ZNF385D: variants seen among roughly 807,000 people sequenced by gnomAD.
The protein encoded by ZNF385D is zinc finger protein 385D, also known as zinc finger protein 659.
Under a neutral mutation model 35.8 loss-of-function variants are expected in ZNF385D, and 15 were observed. The observed-to-expected ratio is 0.42, with a 90% CI of 0.28 to 0.64. ZNF385D has a LOEUF of 0.64. Among genes scored for constraint, ZNF385D ranks in the 30% least tolerant of loss-of-function variants. The pLI is 0.23. For missense variants in ZNF385D, 474 were observed against 494.6 expected, an observed-to-expected ratio of 0.96 and a Z score of 0.39; for synonymous variants, 212 against 186.8, an observed-to-expected ratio of 1.13 and a Z score of -1.10.
intron 2 of ZNF385D, among the ~76,000 whole-genome samples, chr3:21,587,978 A>C (rs1456140682): frequency 6.6e-6 from 1 of 152,172 alleles, no homozygotes; most frequent in Non-Finnish European, 1.5e-5. Context: ...TTGGATGCCC[A>C]ATTTTAGTGC....
At chr3:21,435,022 T>C (rs951052773) in intron 5 of ZNF385D, among the ~76,000 whole-genome samples, 1 of 152,128 alleles carries the variant, frequency 6.6e-6, no homozygotes, top group African/African-American at 2.4e-5. Flanking sequence ...TTTTATTTAT[T>C]TATTTTTCTC....
intron 3 of ZNF385D, among the ~76,000 whole-genome samples, chr3:21,840,813 C>T (rs534954937): frequency 2.0e-5 from 3 of 152,036 alleles, no homozygotes; most frequent in Non-Finnish European, 4.4e-5. Context: ...ATGTCAATCA[C>T]TACATATACT....
chr3:22,087,474 G>C (rs1398784157), intron 3 of ZNF385D, among the ~76,000 whole-genome samples: 3 of 152,124 alleles, frequency 2.0e-5, no homozygotes, highest in Admixed American at 6.6e-5. Context: ...CTTAATGAAA[G>C]GATGATGCTT....
At chr3:21,831,003 C>A (rs2125762856) in intron 3 of ZNF385D, among the ~76,000 whole-genome samples, 1 of 152,052 alleles carries the variant, frequency 6.6e-6, no homozygotes, top group South Asian at 2.1e-4. Flanking sequence ...TGAAGAAAAC[C>A]AAATGAGTCA....
At chr3:21,590,659 GTTCT>G (rs1442119437) in intron 2 of ZNF385D, among the ~76,000 whole-genome samples, 20 of 152,066 alleles carry the variant, frequency 1.3e-4, no homozygotes, top group Admixed American at 1.2e-3. Context: ...GGCAGTGAGT[GTTCT>G]TTCTTTTTTT....
intron 2 of ZNF385D, among the ~76,000 whole-genome samples, chr3:21,615,638 TAG>T: frequency 6.6e-6 from 1 of 152,124 alleles, no homozygotes; most frequent in East Asian, 1.9e-4. Flanking sequence ...ATCAAAACAC[TAG>T]AGTTTTATTG....
chr3:21,758,151 T>C (rs561307461), intron 3 of ZNF385D, among the ~76,000 whole-genome samples: 6 of 152,240 alleles, frequency 3.9e-5, no homozygotes, highest in Admixed American at 6.5e-5. Context: ...ACTGTTTGTA[T>C]AACCTTATTA....
At chr3:22,017,355 T>C (rs9310678) in intron 3 of ZNF385D, among the ~76,000 whole-genome samples, 8,005 of 152,084 alleles carry the variant, frequency 0.053, 706 homozygotes, top group African/African-American at 0.18. Flanking sequence ...GCTATACCAC[T>C]GTTCTTTCGG....
At chr3:21,960,203 T>TACACACACAC (rs61528907) in intron 3 of ZNF385D, among the ~76,000 whole-genome samples, 5 of 149,470 alleles carry the variant, frequency 3.3e-5, no homozygotes, top group East Asian at 2.0e-4. Flanking sequence ...TAAACAGCAA[T>TACACACACAC]ACACACACAC....
intron 3 of ZNF385D, among the ~76,000 whole-genome samples, chr3:22,100,411 T>A (rs1559368729): frequency 6.7e-6 from 1 of 149,776 alleles, no homozygotes; most frequent in Non-Finnish European, 1.5e-5. Context: ...GTATTCACAA[T>A]AGCAAAGACT....
intron 1 of ZNF385D, among the ~76,000 whole-genome samples, chr3:21,674,455 C>T (rs1305296780): frequency 1.3e-5 from 2 of 152,084 alleles, no homozygotes; most frequent in African/African-American, 2.4e-5. Flanking sequence ...ATAAAACTCA[C>T]TTTTGGAATG....
At chr3:22,024,801 A>T (rs529281118) in intron 3 of ZNF385D, among the ~76,000 whole-genome samples, 1 of 152,250 alleles carries the variant, frequency 6.6e-6, no homozygotes, top group East Asian at 1.9e-4. Context: ...GGTTGCTCCT[A>T]AGTTCAGTGA....
At chr3:21,994,317 A>C (rs1397490137) in intron 3 of ZNF385D, among the ~76,000 whole-genome samples, 1 of 152,236 alleles carries the variant, frequency 6.6e-6, no homozygotes, top group Non-Finnish European at 1.5e-5. Flanking sequence ...CAAAGTGTTA[A>C]TCCTGGAAAG....
At position 21,465,796 on chromosome 3, in the gene ZNF385D, C is replaced by T. The variant is rs1703474633; in HGVS notation, c.440-28593G>A. Among the ~76,000 whole-genome samples the T allele has an allele frequency of 2.0e-5, 3 of 152,262 alleles. No homozygotes were observed. The South Asian group carries it at 6.2e-4, about 32-fold the overall frequency. On this transcript the variant is annotated intron_variant, in intron 4 of 7. Coordinates refer to ENST00000281523, the MANE Select transcript of ZNF385D (RefSeq NM_024697.3). The surrounding 1 kb of genome is among the most constrained non-coding windows in gnomAD (Gnocchi z 4.2). ...TCATGCAGTAGACGTAAGCCAGGTGCTAGGTGTTAGGATTTGGCAAATAGT... is the reference window on the plus strand; with the variant it reads ...TCATGCAGTAGACGTAAGCCAGGTGTTAGGTGTTAGGATTTGGCAAATAGT...
intron 3 of ZNF385D, among the ~76,000 whole-genome samples, chr3:21,821,452 T>C (rs1318662583): frequency 2.0e-5 from 3 of 152,172 alleles, no homozygotes; most frequent in Non-Finnish European, 2.9e-5. Flanking sequence ...ACATGATACT[T>C]AGAATTAAAA....
At chr3:22,265,213 T>C (rs750393719) in intron 2 of ZNF385D, among the ~76,000 whole-genome samples, 7 of 152,020 alleles carry the variant, frequency 4.6e-5, no homozygotes, top group African/African-American at 1.2e-4. Context: ...TGCAACCTGA[T>C]AGAGAATTAC....
intron 2 of ZNF385D, among the ~76,000 whole-genome samples, 175 bp downstream of exon 2, chr3:21,664,711 C>T (rs1310473276): frequency 6.6e-6 from 1 of 152,170 alleles, no homozygotes; most frequent in Admixed American, 6.6e-5. Context: ...TTGAAGGAGC[C>T]TGGTTCTGGG....
chr3:21,564,257 C>G (rs1224091891), intron 3 of ZNF385D, among the ~76,000 whole-genome samples: 1 of 151,972 alleles, frequency 6.6e-6, no homozygotes, highest in Non-Finnish European at 1.5e-5. Context: ...TTCCATTGGT[C>G]GAAAGTTTTA....
chr3:22,335,211 G>T lies in ZNF385D; in HGVS notation c.106+37239C>A, dbSNP rs1288015606. 3.9e-5 allele frequency among the ~76,000 whole-genome samples: 6 copies of T among 152,198 alleles called. No homozygotes were observed. In the East Asian group the frequency reaches 1.2e-3, roughly 29 times the overall value. On this transcript the variant is annotated intron_variant, in intron 2 of 5. Coordinates refer to the ZNF385D transcript ENST00000494108. ...GGCTGGCACTCACAGATAGGTCTTG[G>T]CCTTCTGCTAACATAAACAATTTAA...
Sources: gnomAD v4.1 joint callset for allele counts (sites outside exome capture counted in the v4.1 genomes callset) on GRCh38, gnomAD v4.1.1 for gene constraint, Gnocchi (gnomAD v3.1) non-coding constraint, MANE v1.5 for transcripts, NCBI Gene and HGNC (gene_info 2026-07-23, HGNC 2026-07-21) for gene names.